DSCAM: variants seen among roughly 807,000 people sequenced by gnomAD.
The protein encoded by DSCAM is DS cell adhesion molecule.
A neutral mutation model predicts 217.7 loss-of-function variants in DSCAM; 47 were observed. That is an observed-to-expected ratio of 0.22 (90% CI 0.17 to 0.28). DSCAM has a LOEUF of 0.28. Among genes scored for constraint, DSCAM ranks in the 10% least tolerant of loss-of-function variants. The probability of loss-of-function intolerance (pLI) is 1.00; values close to 1 mark genes in which losing one functional copy is unlikely to be tolerated. For synonymous variants in DSCAM, 1,056 were observed against 1,015.3 expected, an observed-to-expected ratio of 1.04 and a Z score of -0.76; for missense variants, 2,080 against 2,618.3, an observed-to-expected ratio of 0.79 and a Z score of 4.49.
Position 40,708,617 on chromosome 21 carries a change from G to C in DSCAM, c.198C>G (p.Ile66Met). The change falls in exon 2 of 33, where the codon ATC (isoleucine) becomes ATG (methionine). Residue 66 changes from isoleucine to methionine, a missense_variant. This residue lies in a region of DSCAM where 568 missense variants were observed against 678.1 expected (regional missense o/e 0.84). Coordinates refer to ENST00000400454, the MANE Select transcript of DSCAM (RefSeq NM_001389.5). ...LRWYLATGEE[I>M]YDVPGIRHVH... is the part of the protein sequence containing the mutation. Reference sequence around the variant, plus strand: ...CGTGGCGGATCCCGGGGACATCGTAGATCTCCTCGCCCGTGGCTAGGTACC... The same window carrying C: ...CGTGGCGGATCCCGGGGACATCGTACATCTCCTCGCCCGTGGCTAGGTACC... 11 of 1,612,730 alleles carry C rather than the reference G, an allele frequency of 6.8e-6. No homozygotes were observed. Among genetic ancestry groups the C allele is most frequent in the Non-Finnish European group, 9.3e-6 (11 of 1,179,406 alleles).
chr21:40,573,181 CA>C (rs2076821823), intron 3 of DSCAM, among the ~76,000 whole-genome samples: 1 of 151,892 alleles, frequency 6.6e-6, no homozygotes, highest in African/African-American at 2.4e-5. Context: ...ACTAAAAATA[CA>C]AAAAAATTAG....
chr21:40,684,424 A>G (rs552281450), intron 3 of DSCAM, among the ~76,000 whole-genome samples: 1 of 152,226 alleles, frequency 6.6e-6, no homozygotes, highest in Admixed American at 6.5e-5. Context: ...CCATCTGCTC[A>G]GAAGGACAGC....
At chr21:40,072,918 C>A (rs1044324147) in intron 27 of DSCAM, among the ~76,000 whole-genome samples, 3 of 152,170 alleles carry the variant, frequency 2.0e-5, no homozygotes, top group Non-Finnish European at 4.4e-5. Context: ...GCTGTCTTTA[C>A]CAAAACCAAC....
chr21:40,613,710 T>G (rs535465350), intron 3 of DSCAM, among the ~76,000 whole-genome samples: 3 of 152,146 alleles, frequency 2.0e-5, no homozygotes, highest in Non-Finnish European at 2.9e-5. Flanking sequence ...CTACTAGTTC[T>G]TCTTTAGGAA....
At chr21:40,561,804 T>C (rs757136978) in intron 3 of DSCAM, among the ~76,000 whole-genome samples, 11 of 152,160 alleles carry the variant, frequency 7.2e-5, no homozygotes, top group East Asian at 3.9e-4. Context: ...ACACTGGCAG[T>C]TCCTGACATC....
intron 1 of DSCAM, among the ~76,000 whole-genome samples, chr21:40,719,529 C>G (rs887129917): frequency 6.6e-6 from 1 of 152,204 alleles, no homozygotes; most frequent in African/African-American, 2.4e-5. Context: ...CACGTTGTAA[C>G]AGTCACAAAC....
intron 3 of DSCAM, among the ~76,000 whole-genome samples, chr21:40,590,336 G>A (rs901509424): frequency 8.5e-5 from 13 of 152,310 alleles, no homozygotes; most frequent in Non-Finnish European, 2.9e-5. Flanking sequence ...ACCCATGCTT[G>A]GGCCAGAGGG....
At chr21:40,318,701 G>A (rs1038737953) in intron 8 of DSCAM, among the ~76,000 whole-genome samples, 1 of 152,220 alleles carries the variant, frequency 6.6e-6, no homozygotes, top group Non-Finnish European at 1.5e-5. Flanking sequence ...AGGGCAGGAG[G>A]CCAAGATGCA....
At chr21:40,515,922 C>T (rs571773063) in intron 3 of DSCAM, among the ~76,000 whole-genome samples, 2 of 152,048 alleles carry the variant, frequency 1.3e-5, no homozygotes, top group South Asian at 4.2e-4. Flanking sequence ...TTTTAAAGGA[C>T]TCTACAAAAC....
chr21:40,098,073 T>C (rs548221447), intron 20 of DSCAM, among the ~76,000 whole-genome samples: 86 of 150,772 alleles, frequency 5.7e-4, no homozygotes, highest in African/African-American at 2.1e-3. Flanking sequence ...TTAAGTGATA[T>C]CCTATGATAA....
intron 1 of DSCAM, among the ~76,000 whole-genome samples, chr21:40,832,580 C>T (rs114034736): frequency 2.1e-4 from 32 of 152,230 alleles, no homozygotes; most frequent in African/African-American, 7.5e-4. Context: ...ATGGTATCAT[C>T]GTGTGACCTG....
intron 11 of DSCAM, among the ~76,000 whole-genome samples, chr21:40,242,594 G>A (rs996706745): frequency 6.6e-6 from 1 of 152,302 alleles, no homozygotes; most frequent in African/African-American, 2.4e-5. Context: ...GTAGCCTTCA[G>A]TGAATGAGTT....
chr21:40,549,513 A>T (rs1245217882), intron 3 of DSCAM, among the ~76,000 whole-genome samples: 2 of 152,204 alleles, frequency 1.3e-5, no homozygotes, highest in African/African-American at 4.8e-5. Context: ...CCATATGACC[A>T]AACGAAATAA....
At chr21:40,743,119 G>A (rs898935466) in intron 1 of DSCAM, among the ~76,000 whole-genome samples, 4 of 152,172 alleles carry the variant, frequency 2.6e-5, no homozygotes, top group Non-Finnish European at 5.9e-5. Flanking sequence ...TTCATTTCAT[G>A]ATCTTTATGG....
At chr21:40,595,427 G>A (rs1368484818) in intron 3 of DSCAM, among the ~76,000 whole-genome samples, 2 of 151,910 alleles carry the variant, frequency 1.3e-5, no homozygotes, top group African/African-American at 4.8e-5. Context: ...GAGAAGGGAA[G>A]GGAGAGAAGA....
chr21:40,413,807 T>C (rs559837909), intron 3 of DSCAM, among the ~76,000 whole-genome samples: 3 of 152,270 alleles, frequency 2.0e-5, no homozygotes, highest in East Asian at 3.9e-4. Flanking sequence ...CCCACACAGA[T>C]AGAGTTAATT....
At chr21:40,059,730 G>A (rs895481227) in intron 28 of DSCAM, among the ~76,000 whole-genome samples, 2 of 152,118 alleles carry the variant, frequency 1.3e-5, no homozygotes, top group Non-Finnish European at 2.9e-5. Context: ...AAAACAAAGC[G>A]GTAAAATGAC....
At chr21:40,532,868 CTG>C (rs58575678) in intron 3 of DSCAM, among the ~76,000 whole-genome samples, 30,625 of 145,482 alleles carry the variant, frequency 0.21, 3,478 homozygotes, top group East Asian at 0.29. Context: ...CCACAAGGCT[CTG>C]TGTGTGTGTG....
At chr21:40,596,453 A>T (rs1810567242) in intron 3 of DSCAM, among the ~76,000 whole-genome samples, 1 of 152,144 alleles carries the variant, frequency 6.6e-6, no homozygotes, top group South Asian at 2.1e-4. Flanking sequence ...GAGCTTATTG[A>T]ATTTTGTGGG....
Sources: gnomAD v4.1 joint callset for allele counts (sites outside exome capture counted in the v4.1 genomes callset) on GRCh38, gnomAD v4.1.1 for gene constraint, gnomAD v4.1.1 regional missense constraint, MANE v1.5 for transcripts, NCBI Gene and HGNC (gene_info 2026-07-23, HGNC 2026-07-21) for gene names.